The following SLC68A1 variants were observed in gnomAD, a reference collection of about 807,000 sequenced individuals.
SLC68A1 encodes the protein solute carrier family 68 member 1, also known as major facilitator superfamily domain containing 13A.
At chr10:102,472,865 C>A in the SLC68A1 span, 1 of 1,614,124 alleles carries the variant, frequency 6.2e-7, no homozygotes. Context: ...TCTTCCACTG[C>A]CACTTCAACA....
At chr10:102,476,813 A>G in the SLC68A1 span, 17 of 985,638 alleles carry the variant, frequency 1.7e-5, no homozygotes, top group Non-Finnish European at 2.0e-5. Flanking sequence ...TGGACTCAGG[A>G]ACCACTTTTA....
At chr10:102,466,489 A>G in the SLC68A1 span, among the ~76,000 whole-genome samples, 2 of 151,644 alleles carry the variant, frequency 1.3e-5, no homozygotes, top group African/African-American at 4.8e-5. Context: ...CCTCAAAAAA[A>G]AAAAAAAAAA....
chr10:102,469,679 T>A, the SLC68A1 span: 1 of 179,456 alleles, frequency 5.6e-6, no homozygotes, highest in Admixed American at 6.6e-5. Context: ...CATGAGTAGA[T>A]GGGATTACAA....
At chr10:102,468,335 A>G in the SLC68A1 span, 1 of 152,202 alleles carries the variant, frequency 6.6e-6, no homozygotes, top group Non-Finnish European at 1.5e-5. Context: ...GTTTTACTGT[A>G]AGTGCATTGT....
chr10:102,466,883 C>T, the SLC68A1 span, among the ~76,000 whole-genome samples: 1 of 152,246 alleles, frequency 6.6e-6, no homozygotes, highest in Non-Finnish European at 1.5e-5. Context: ...GGACATTGTG[C>T]TTTACAGCCC....
the SLC68A1 span, chr10:102,473,637 C>T: frequency 6.2e-7 from 1 of 1,614,160 alleles, no homozygotes; most frequent in Non-Finnish European, 8.5e-7. Context: ...GCTGGGGCGT[C>T]TACGCGGTGG....
chr10:102,470,122 T>TG, the SLC68A1 span: 1 of 1,562,210 alleles, frequency 6.4e-7, no homozygotes, highest in Non-Finnish European at 8.8e-7. Context: ...CCCACCCTAC[T>TG]GCTACCCAGG....
chr10:102,473,713 C>A, the SLC68A1 span: 2 of 1,613,882 alleles, frequency 1.2e-6, no homozygotes, highest in Non-Finnish European at 1.7e-6. Flanking sequence ...CCCGGACCAC[C>A]TCAGCCTGCT....
At chr10:102,473,892 G>T in the SLC68A1 span, 1 of 1,614,144 alleles carries the variant, frequency 6.2e-7, no homozygotes, top group East Asian at 2.2e-5. Flanking sequence ...CGAGGACCTG[G>T]TGCTGAACCA....
chr10:102,472,819 C>G, the SLC68A1 span: 74 of 1,559,368 alleles, frequency 4.7e-5, no homozygotes, highest in South Asian at 8.0e-4. Flanking sequence ...TCTCCTCCCA[C>G]TGGAAGCCTC....
At chr10:102,467,939 G>A in the SLC68A1 span, among the ~76,000 whole-genome samples, 1 of 152,142 alleles carries the variant, frequency 6.6e-6, no homozygotes, top group Non-Finnish European at 1.5e-5. Context: ...TTACAGGCGT[G>A]AGCCACGGCA....
the SLC68A1 span, among the ~76,000 whole-genome samples, chr10:102,474,490 T>C: frequency 6.6e-6 from 1 of 151,724 alleles, no homozygotes; most frequent in African/African-American, 2.4e-5. Context: ...CAAGGATTTG[T>C]CTAGAAAAGG....
chr10:102,476,620 T>G, the SLC68A1 span: 6 of 986,108 alleles, frequency 6.1e-6, no homozygotes, highest in Non-Finnish European at 6.0e-6. Flanking sequence ...TGAAAGTCTC[T>G]GCTTACCTGT....
the SLC68A1 span, chr10:102,471,354 C>T: frequency 6.2e-7 from 1 of 1,613,592 alleles, no homozygotes; most frequent in Admixed American, 1.7e-5. Context: ...AGCTGGCACG[C>T]CATCGGAACT....
chr10:102,476,049 TTGGTTTTTTTTTTAAGGATTTCATAG>T, the SLC68A1 span: 6 of 1,378,350 alleles, frequency 4.4e-6, no homozygotes, highest in East Asian at 2.7e-5. Context: ...CCAGTTTTTT[TTGGTTTTTTTTTTAAGGATTTCATAG>T]TTTTTTTTTT....
At chr10:102,470,790 A>G in the SLC68A1 span, 2 of 1,613,884 alleles carry the variant, frequency 1.2e-6, no homozygotes, top group Non-Finnish European at 8.5e-7. Context: ...GCTGGCCTGC[A>G]GTTCTTGCTG....
At chr10:102,469,078 G>A in the SLC68A1 span, 7 of 1,614,000 alleles carry the variant, frequency 4.3e-6, no homozygotes, top group East Asian at 6.7e-5. Flanking sequence ...GCCCACAGCT[G>A]TGGTCTATGG....
At chr10:102,465,288 G>T in the SLC68A1 span, among the ~76,000 whole-genome samples, 4 of 151,844 alleles carry the variant, frequency 2.6e-5, no homozygotes, top group African/African-American at 9.7e-5. Flanking sequence ...AGCCGAGTGT[G>T]GTGGCAGGCG....
chr10:102,465,862 GCT>G, the SLC68A1 span: 1 of 152,244 alleles, frequency 6.6e-6, no homozygotes, highest in Non-Finnish European at 1.5e-5. Flanking sequence ...TCCTGCCTCA[GCT>G]TCCTCTCCAG....
Sources: allele counts gnomAD v4.1 joint callset (sites outside exome capture counted in the v4.1 genomes callset), GRCh38; gene constraint gnomAD v4.1.1; transcripts MANE v1.5; gene names NCBI Gene and HGNC (gene_info 2026-07-23, HGNC 2026-07-21).